SEMA6D: variants seen among roughly 807,000 people sequenced by gnomAD.
SEMA6D encodes the protein semaphorin 6D.
Under a neutral mutation model 106.6 loss-of-function variants are expected in SEMA6D, and 35 were observed. That is an observed-to-expected ratio of 0.33 (90% confidence interval 0.25 to 0.44). The LOEUF (loss-of-function observed/expected upper bound fraction) is 0.44, where lower values mean the gene tolerates loss of function less well. Ranked by LOEUF, SEMA6D falls within the 20% of genes least tolerant of loss-of-function variation. SEMA6D has a pLI of 1.00. For synonymous variants in SEMA6D, 499 were observed against 487.7 expected (o/e 1.02, Z -0.31); for missense variants, 1,185 against 1,345.9 (o/e 0.88, Z 1.87).
intron 1 of SEMA6D, among the ~76,000 whole-genome samples, chr15:47,341,593 C>T (rs1462192793): frequency 6.6e-6 from 1 of 152,092 alleles, no homozygotes; most frequent in African/African-American, 2.4e-5. Flanking sequence ...AATTCTCTGT[C>T]TCTAAATTTT....
intron 1 of SEMA6D, among the ~76,000 whole-genome samples, chr15:47,723,292 A>G (rs564126949): frequency 6.6e-6 from 1 of 152,200 alleles, no homozygotes; most frequent in Non-Finnish European, 1.5e-5. Flanking sequence ...GCATCCTAGA[A>G]CGGTATCTTC....
chr15:47,643,515 T>C (rs1021811910), intron 4 of SEMA6D, among the ~76,000 whole-genome samples: 1 of 152,232 alleles, frequency 6.6e-6, no homozygotes, highest in African/African-American at 2.4e-5. Context: ...TTTAGTAAAA[T>C]GCAGATTCTG....
intron 13 of SEMA6D, chr15:47,765,312 C>T: frequency 8.0e-7 from 1 of 1,253,866 alleles, no homozygotes; most frequent in South Asian, 2.0e-5. Context: ...AACATTTTAA[C>T]AGCACCTCTC....
rs531893495 is a variant in SEMA6D, at chr15:47,420,747, C to A, written c.-159+8275C>A. On this transcript the variant is annotated intron_variant, in intron 2 of 19. Coordinates refer to the SEMA6D transcript ENST00000558014. ...ATTCATATAGTTTTTGGAGGCACTA[C>A]CTATGATCAGTCATTCTATGGGACT... 3.3e-5 allele frequency among the ~76,000 whole-genome samples: 5 copies of A among 152,244 alleles called. 1 individual carries two copies. In the South Asian group the frequency reaches 1.0e-3, roughly 32 times the overall value.
At chr15:47,742,547 G>A (rs1037103072) in intron 1 of SEMA6D, among the ~76,000 whole-genome samples, 7 of 152,224 alleles carry the variant, frequency 4.6e-5, no homozygotes, top group African/African-American at 1.7e-4. Context: ...GGTGATTACA[G>A]CACCTCATAA....
intron 4 of SEMA6D, among the ~76,000 whole-genome samples, chr15:47,607,560 G>C (rs2076807768): frequency 6.6e-6 from 1 of 152,184 alleles, no homozygotes; most frequent in South Asian, 2.1e-4. Flanking sequence ...CAAGCAGACA[G>C]TTTGAGAAGG....
chr15:47,584,105 GC>G (rs1017938172), intron 3 of SEMA6D, among the ~76,000 whole-genome samples: 3 of 152,092 alleles, frequency 2.0e-5, no homozygotes, highest in African/African-American at 7.2e-5. Flanking sequence ...ATGCATGTTT[GC>G]CCCCCACACT....
intron 1 of SEMA6D, among the ~76,000 whole-genome samples, chr15:47,745,137 G>T (rs924881470): frequency 6.6e-6 from 1 of 152,220 alleles, no homozygotes; most frequent in Non-Finnish European, 1.5e-5. Context: ...GGTTTGAAGC[G>T]TAATTATCTC....
At chr15:47,694,405 G>A (rs1196745855) in intron 4 of SEMA6D, among the ~76,000 whole-genome samples, 2 of 151,948 alleles carry the variant, frequency 1.3e-5, no homozygotes, top group Non-Finnish European at 2.9e-5. Context: ...ATGTCTTTAA[G>A]CACCCCAATT....
At chr15:47,604,669 C>G (rs1446223922) in intron 4 of SEMA6D, among the ~76,000 whole-genome samples, 3 of 152,088 alleles carry the variant, frequency 2.0e-5, no homozygotes, top group Non-Finnish European at 4.4e-5. Context: ...ACTCTAGGAT[C>G]CATCCTTGGT....
intron 1 of SEMA6D, among the ~76,000 whole-genome samples, chr15:47,271,908 G>C (rs1454206545): frequency 1.3e-5 from 2 of 152,160 alleles, no homozygotes; most frequent in Non-Finnish European, 2.9e-5. Flanking sequence ...TCTTATGTAG[G>C]GGTTTGTATG....
intron 3 of SEMA6D, among the ~76,000 whole-genome samples, chr15:47,549,384 T>C (rs2045616825): frequency 6.6e-6 from 1 of 152,260 alleles, no homozygotes; most frequent in South Asian, 2.1e-4. Context: ...GTGGGAGGGC[T>C]GAAGTTCCTC....
At chr15:47,292,476 T>A (rs925750231) in intron 1 of SEMA6D, among the ~76,000 whole-genome samples, 3 of 151,864 alleles carry the variant, frequency 2.0e-5, no homozygotes, top group African/African-American at 7.3e-5. Context: ...CTGGCAATGC[T>A]TTCTTTTTTT....
chr15:47,760,676 CCTTT>C (rs1467985334), intron 3 of SEMA6D, among the ~76,000 whole-genome samples: 22 of 151,572 alleles, frequency 1.5e-4, no homozygotes, highest in African/African-American at 4.6e-4. Flanking sequence ...AAAAAAAAAA[CCTTT>C]CTTTATGCGT....
At chr15:47,479,345 T>C (rs2043087265) in intron 3 of SEMA6D, among the ~76,000 whole-genome samples, 1 of 152,094 alleles carries the variant, frequency 6.6e-6, no homozygotes, top group Non-Finnish European at 1.5e-5. Context: ...ATCCTCAACC[T>C]GTTTCTCTAT....
intron 1 of SEMA6D, among the ~76,000 whole-genome samples, chr15:47,226,334 GC>G (rs2031664757): frequency 6.6e-6 from 1 of 151,988 alleles, no homozygotes. Flanking sequence ...TGTTGTGTAA[GC>G]CATCCAGTTT....
At chr15:47,512,491 A>C in intron 3 of SEMA6D, among the ~76,000 whole-genome samples, 1 of 152,224 alleles carries the variant, frequency 6.6e-6, no homozygotes. Context: ...AGAGCACAGA[A>C]ATGTAGCATC....
At chr15:47,615,575 T>C (rs759147875) in intron 4 of SEMA6D, among the ~76,000 whole-genome samples, 4 of 152,246 alleles carry the variant, frequency 2.6e-5, no homozygotes, top group Non-Finnish European at 5.9e-5. Context: ...GGTTTTGTTT[T>C]TCACCTATTG....
At chr15:47,229,139 G>A (rs529608931) in intron 1 of SEMA6D, among the ~76,000 whole-genome samples, 8 of 152,002 alleles carry the variant, frequency 5.3e-5, no homozygotes, top group Non-Finnish European at 8.8e-5. Context: ...CTGCTTTGGG[G>A]ATACAGGATA....
Sources: gnomAD v4.1 joint callset for allele counts (sites outside exome capture counted in the v4.1 genomes callset) on GRCh38, gnomAD v4.1.1 for gene constraint, MANE v1.5 for transcripts, NCBI Gene and HGNC (gene_info 2026-07-23, HGNC 2026-07-21) for gene names.